Variants in CCDC3 observed in about 807,000 individuals in gnomAD.
The protein encoded by CCDC3 is coiled-coil domain-containing protein 3.
Under a neutral mutation model 21.4 loss-of-function variants are expected in CCDC3, and 24 were observed. That is an observed-to-expected ratio of 1.12 (90% CI 0.81 to 1.58). The LOEUF (loss-of-function observed/expected upper bound fraction) is 1.58, where lower values mean the gene tolerates loss of function less well. Ranked by LOEUF, CCDC3 falls within the 40% of genes most tolerant of loss-of-function variation. The probability of loss-of-function intolerance (pLI) is 0.00; values close to 1 mark genes in which losing one functional copy is unlikely to be tolerated. For synonymous variants in CCDC3, 186 were observed against 166.0 expected (o/e 1.12, Z -0.93); for missense variants, 425 against 360.9 (o/e 1.18, Z -1.44).
chr10:13,058,049 T>C lies in CCDC3; in HGVS notation c.-269-8108A>G, dbSNP rs1343347855. The C allele has an allele frequency of 2.4e-5, 18 of 748,106 alleles. No individual in the cohort carries two copies. The East Asian group carries it at 4.4e-4, about 18-fold the overall frequency. 46.3% of individuals were successfully genotyped at this position (748,106 alleles called of 1,614,324 possible). A position where few individuals can be genotyped will look rare whatever the true frequency, so the allele number is the denominator to read the frequency against. ...AGCATCTTCATCTTCCTCCATTAAG[T>C]AGCACATGTAATCTGCAACATTCTG... On this transcript the variant is annotated intron_variant, in intron 4 of 6. Coordinates refer to the CCDC3 transcript ENST00000378839.
At position 12,898,295 on chromosome 10, in the gene CCDC3, C is replaced by A; in HGVS notation, c.*121G>T. On this transcript the variant is annotated 3_prime_UTR_variant, in exon 3 of 3. Transcript: ENST00000378825. Reference sequence around the variant, plus strand: ...TTGCATTTTATCCATTTAGACTCTACCAAATGCGTGATTAAAAACAAAAAC... The same window carrying A: ...TTGCATTTTATCCATTTAGACTCTAACAAATGCGTGATTAAAAACAAAAAC... 2.7e-6 allele frequency: 3 copies of A among 1,116,328 alleles called. No homozygotes were observed. In the Admixed American group the frequency reaches 8.6e-5, roughly 32 times the overall value. The allele number at this position is 1,116,328 out of a possible 1,614,324, so 69.2% of individuals were successfully genotyped here.
intron 4 of CCDC3, among the ~76,000 whole-genome samples, chr10:13,067,916 C>T (rs763949897): frequency 6.6e-6 from 1 of 152,070 alleles, no homozygotes; most frequent in African/African-American, 2.4e-5. Context: ...AAGGTCTTTA[C>T]GTTTTTTGTT....
chr10:12,974,679 G>C lies in CCDC3; in HGVS notation c.549+23659C>G, dbSNP rs1208318157. 2.0e-5 allele frequency among the ~76,000 whole-genome samples: 3 copies of C among 152,190 alleles called. No homozygotes were observed. In the East Asian group the frequency reaches 5.8e-4, roughly 29 times the overall value. ...CTGAGCCCACAGCCAGGAAGACCCAGGCTGGGCTGTATCCTCCCCGGCCAA... is the reference window on the plus strand; with the variant it reads ...CTGAGCCCACAGCCAGGAAGACCCACGCTGGGCTGTATCCTCCCCGGCCAA... On this transcript the variant is annotated intron_variant, in intron 2 of 2. Coordinates refer to ENST00000378825, the MANE Select transcript of CCDC3 (RefSeq NM_031455.4).
chr10:12,947,841 C>T (rs752463998), intron 2 of CCDC3, among the ~76,000 whole-genome samples: 51 of 152,224 alleles, frequency 3.4e-4, no homozygotes, highest in South Asian at 4.1e-4. Context: ...GTGCTAAGCA[C>T]GGCCTCCTGA....
chr10:13,016,523 C>A (rs1053415561), intron 5 of CCDC3, among the ~76,000 whole-genome samples: 2 of 151,994 alleles, frequency 1.3e-5, no homozygotes, highest in African/African-American at 4.8e-5. Flanking sequence ...TTAACTCATT[C>A]TTCCTTCTGG....
intron 2 of CCDC3, among the ~76,000 whole-genome samples, chr10:12,942,848 G>A (rs956829145): frequency 3.9e-5 from 6 of 152,014 alleles, no homozygotes; most frequent in Admixed American, 6.6e-5. Context: ...TCTTTCTCTC[G>A]CCTATTCAAC....
At chr10:13,091,249 G>C (rs529850259) in intron 3 of CCDC3, among the ~76,000 whole-genome samples, 1 of 152,218 alleles carries the variant, frequency 6.6e-6, no homozygotes, top group South Asian at 2.1e-4. Context: ...ACAATATTTT[G>C]CATCCTTCAA....
chr10:13,034,607 C>T (rs1327207562), intron 5 of CCDC3, among the ~76,000 whole-genome samples: 8 of 151,106 alleles, frequency 5.3e-5, no homozygotes, highest in African/African-American at 1.9e-4. Context: ...AATGTATTAA[C>T]ATTATTCCAA....
At chr10:13,001,087 C>T in intron 1 of CCDC3, 110 bp downstream of exon 1, 1 of 1,399,006 alleles carries the variant, frequency 7.1e-7, no homozygotes, top group East Asian at 2.5e-5. Context: ...GGCATTCTCA[C>T]TTGACACCGA....
chr10:13,056,132 T>A (rs1482525020), intron 4 of CCDC3, among the ~76,000 whole-genome samples: 2 of 152,238 alleles, frequency 1.3e-5, no homozygotes, highest in East Asian at 3.8e-4. Flanking sequence ...TCTAAACTTG[T>A]GTAACAGCCC....
chr10:12,927,755 T>C (rs1251019), intron 2 of CCDC3, among the ~76,000 whole-genome samples: 58,239 of 152,042 alleles, frequency 0.38, 11,468 homozygotes, highest in East Asian at 0.48. Flanking sequence ...ACTGAACCTA[T>C]TGGGGTTAAT....
At chr10:13,082,673 T>C (rs1007114918) in intron 3 of CCDC3, among the ~76,000 whole-genome samples, 2 of 152,170 alleles carry the variant, frequency 1.3e-5, no homozygotes, top group African/African-American at 2.4e-5. Context: ...TAAGTAACGG[T>C]TGCCTTCCCA....
chr10:12,963,859 T>A (rs2580883), intron 2 of CCDC3, among the ~76,000 whole-genome samples: 131,120 of 152,140 alleles, frequency 0.86, 57,701 homozygotes, highest in East Asian at 1. Context: ...CTGGGATTAC[T>A]GGCGTGAGCC....
At chr10:12,985,105 A>AT (rs921438998) in intron 2 of CCDC3, among the ~76,000 whole-genome samples, 13 of 152,240 alleles carry the variant, frequency 8.5e-5, no homozygotes, top group South Asian at 6.2e-4. Flanking sequence ...AAAGCTATAG[A>AT]TTTTTTTTAA....
chr10:12,905,993 G>A (rs768847279), intron 2 of CCDC3, among the ~76,000 whole-genome samples: 2 of 152,206 alleles, frequency 1.3e-5, no homozygotes, highest in East Asian at 3.9e-4. Context: ...CTTTACCCAC[G>A]TCCTCCGTAG....
At chr10:13,041,858 C>T (rs556371531) in intron 5 of CCDC3, among the ~76,000 whole-genome samples, 5 of 151,856 alleles carry the variant, frequency 3.3e-5, no homozygotes, top group East Asian at 1.9e-4. Context: ...AACTCCTGAC[C>T]GCAAGTGATC....
chr10:12,948,606 T>TCAAATAGAGTTTGC (rs1834958715), intron 2 of CCDC3, among the ~76,000 whole-genome samples: 1 of 152,122 alleles, frequency 6.6e-6, no homozygotes, highest in African/African-American at 2.4e-5. Context: ...AGAGTCATTG[T>TCAAATAGAGTTTGC]CAAATAGAGT....
intron 2 of CCDC3, among the ~76,000 whole-genome samples, chr10:12,956,019 T>G (rs1589020641): frequency 6.6e-6 from 1 of 152,076 alleles, no homozygotes; most frequent in African/African-American, 2.4e-5. Flanking sequence ...TAAATAATTT[T>G]TTAAGAGATA....
chr10:12,982,073 G>A (rs1037065607), intron 2 of CCDC3, among the ~76,000 whole-genome samples: 1 of 120,104 alleles, frequency 8.3e-6, no homozygotes, highest in Non-Finnish European at 1.6e-5. Context: ...AGTGAGCCGA[G>A]ATCATGTCAC....
Sources: allele counts gnomAD v4.1 joint callset (sites outside exome capture counted in the v4.1 genomes callset), GRCh38; gene constraint gnomAD v4.1.1; transcripts MANE v1.5; gene names NCBI Gene and HGNC (gene_info 2026-07-23, HGNC 2026-07-21).